Variants in CTNS observed in about 807,000 individuals in gnomAD.
The protein encoded by CTNS is cystinosin, lysosomal cystine transporter.
A neutral mutation model predicts 43.7 loss-of-function variants in CTNS; 27 were observed. That is an observed-to-expected ratio of 0.62 (90% CI 0.46 to 0.85). The LOEUF (loss-of-function observed/expected upper bound fraction) is 0.85. Among genes scored for constraint, CTNS ranks in the 40% least tolerant of loss-of-function variants. The probability of loss-of-function intolerance (pLI) is 0.00; values close to 1 mark genes in which losing one functional copy is unlikely to be tolerated. For missense variants in CTNS, 457 were observed against 475.4 expected (o/e 0.96, Z 0.36); for synonymous variants, 187 against 190.6 (o/e 0.98, Z 0.16).
Position 3,655,541 on chromosome 17 carries a change from C to T in CTNS, c.461+189C>T, listed in dbSNP as rs1258481154. The T allele has an allele frequency of 5.2e-6, 4 of 771,416 alleles. No homozygotes were observed. The African/African-American group carries it at 6.9e-5, about 13-fold the overall frequency. The allele number at this position is 771,416 out of a possible 1,614,324, so 47.8% of individuals were successfully genotyped here. On this transcript the variant is annotated intron_variant, in intron 7 of 11. Transcript: ENST00000046640. ...GATTCCCGTGCTGGGCGTTTCATCC[C>T]TTGCCCAGCTCAGCCCCTCCCTGGG...
intron 10 of CTNS, 138 bp downstream of exon 10, chr17:3,658,313 G>A (rs946358320): frequency 2.4e-5 from 29 of 1,215,676 alleles, no homozygotes; most frequent in African/African-American, 1.8e-4. Context: ...GGAGCCCAGC[G>A]GGAGCGGGGC....
chr17:3,653,768 C>T (rs927498719), intron 5 of CTNS, among the ~76,000 whole-genome samples: 4 of 151,960 alleles, frequency 2.6e-5, no homozygotes, highest in Non-Finnish European at 5.9e-5. Flanking sequence ...TCCAGCTACT[C>T]GGGAGGCTGA....
chr17:3,658,398 C>A (rs2076207204), intron 10 of CTNS, among the ~76,000 whole-genome samples: 1 of 152,170 alleles, frequency 6.6e-6, no homozygotes, highest in Admixed American at 6.5e-5. Context: ...CCCCTTGGAC[C>A]CCACGCTCCC....
chr17:3,643,728 G>A (rs926884918), intron 3 of CTNS, among the ~76,000 whole-genome samples: 4 of 152,020 alleles, frequency 2.6e-5, no homozygotes, highest in East Asian at 1.9e-4. Flanking sequence ...CACCACATCC[G>A]GCTAATTTTT....
In CTNS at chr17:3,660,683, G is replaced by A. The variant is rs566382366; in HGVS notation, c.*314G>A. The A allele has an allele frequency of 2.0e-5, 32 of 1,613,534 alleles. No individual in the cohort carries two copies. In the South Asian group the frequency reaches 2.5e-4, roughly 13 times the overall value. On this transcript the variant is annotated 3_prime_UTR_variant, in exon 12 of 12. Transcript: ENST00000046640. ...AGGACTGGGCACCAAGCTTGCAGCC[G>A]AAGGCCTTGCCCCAAACTACCAGCG...
At chr17:3,652,946 G>A (rs2076021718) in intron 5 of CTNS, among the ~76,000 whole-genome samples, 1 of 152,214 alleles carries the variant, frequency 6.6e-6, no homozygotes, top group Admixed American at 6.5e-5. Flanking sequence ...AGAACAAGAA[G>A]GCAGTGCTTC....
intron 2 of CTNS, among the ~76,000 whole-genome samples, chr17:3,639,060 C>T (rs568713529): frequency 3.9e-5 from 6 of 152,214 alleles, no homozygotes; most frequent in Admixed American, 6.5e-5. Context: ...GGGAGATGTC[C>T]GGAGATGCTG....
At chr17:3,645,152 C>T (rs1214779644) in intron 3 of CTNS, among the ~76,000 whole-genome samples, 2 of 152,198 alleles carry the variant, frequency 1.3e-5, no homozygotes, top group African/African-American at 2.4e-5. Context: ...AAGAAATCCT[C>T]AGAATGACCT....
intron 10 of CTNS, 147 bp from the exon 11 acceptor site, chr17:3,659,711 T>A: frequency 1.4e-6 from 1 of 709,990 alleles, no homozygotes. Context: ...AGGCCTGTCA[T>A]AGCCCAAAGG....
Position 3,660,300 on chromosome 17 carries a change from C to T in CTNS, c.1035C>T (p.Phe345=), listed in dbSNP as rs149007536. Residue 345 remains phenylalanine (F), a synonymous_variant, in exon 12 of 12, where the codon TTC becomes TTT. Coordinates refer to ENST00000046640, the MANE Select transcript of CTNS (RefSeq NM_004937.3). ...KFGLGVFSIV[F]DVVFFIQHFC... is the part of the protein sequence containing the mutation. ...GACTCGGGGTCTTCTCCATCGTCTTCGACGTCGTCTTCTTCATCCAGCACT... is the reference window on the plus strand; with the variant it reads ...GACTCGGGGTCTTCTCCATCGTCTTTGACGTCGTCTTCTTCATCCAGCACT... The T allele has an allele frequency of 3.0e-5, 48 of 1,614,236 alleles. No homozygotes were observed. The East Asian group carries it at 3.8e-4, about 13-fold the overall frequency.
At position 3,658,062 on chromosome 17, in the gene CTNS, T is replaced by A; in HGVS notation, c.739T>A (p.Phe247Ile). Reference sequence around the variant, plus strand: ...CGGCTTCCTGGTGCTCGCGTGGCTCTTCGCATTTGTCACCATGATCGTGGC... The same window carrying A: ...CGGCTTCCTGGTGCTCGCGTGGCTCATCGCATTTGTCACCATGATCGTGGC... ...AIGFLVLAWL[F>I]AFVTMIVAAV... Residue 247 changes from phenylalanine (F) to isoleucine (I), a missense_variant, in exon 10 of 12, where the codon TTC becomes ATC. By Grantham distance (21) the Phe-to-Ile change is conservative. Coordinates refer to ENST00000046640, the MANE Select transcript of CTNS (RefSeq NM_004937.3). The A allele has an allele frequency of 1.2e-6, 2 of 1,612,180 alleles. No individual in the cohort carries two copies. The highest frequency in any genetic ancestry group is 1.7e-6 in the Non-Finnish European group (2 of 1,179,970).
intron 7 of CTNS, 189 bp downstream of exon 7, chr17:3,655,541 C>A: frequency 2.6e-6 from 2 of 771,534 alleles, no homozygotes; most frequent in Admixed American, 2.4e-5. Flanking sequence ...CGTTTCATCC[C>A]TTGCCCAGCT....
intron 5 of CTNS, chr17:3,650,360 T>A (rs2075951604): frequency 6.5e-7 from 1 of 1,543,290 alleles, no homozygotes; most frequent in South Asian, 1.2e-5. Context: ...TGTGCACCTG[T>A]AATCCCAGCT....
intron 2 of CTNS, among the ~76,000 whole-genome samples, chr17:3,638,073 G>A (rs1649829013): frequency 6.6e-6 from 1 of 152,166 alleles, no homozygotes; most frequent in Non-Finnish European, 1.5e-5. Flanking sequence ...TGGGTGAGGA[G>A]CCTTCTTGAA....
intron 9 of CTNS, among the ~76,000 whole-genome samples, chr17:3,657,134 G>C (rs1409200202): frequency 6.6e-6 from 1 of 152,110 alleles, no homozygotes; most frequent in African/African-American, 2.4e-5. Context: ...AAGGGAGGAG[G>C]GCAGAGGAAG....
rs1019086115 is a variant in CTNS at position 3,660,440 on chromosome 17, C to T, written c.*71C>T. The T allele has an allele frequency of 2.1e-5, 34 of 1,613,470 alleles. No individual in the cohort carries two copies. Among genetic ancestry groups the T allele is most frequent in the East Asian group, 6.7e-5 (3 of 44,894 alleles). On this transcript the variant is annotated 3_prime_UTR_variant, in exon 12 of 12. Coordinates refer to ENST00000046640, the MANE Select transcript of CTNS (RefSeq NM_004937.3). ...GGGGAAGGCCTCACCCAGCGAAGGC[C>T]GGAGAAGCGGTTGGGCCCTGGCACA...
intron 5 of CTNS, among the ~76,000 whole-genome samples, chr17:3,652,712 T>A (rs2076016069): frequency 6.6e-6 from 1 of 152,192 alleles, no homozygotes; most frequent in African/African-American, 2.4e-5. Context: ...CCTGCCTAGT[T>A]CCAGAAGGGA....
At chr17:3,656,854 A>G in intron 9 of CTNS, 59 bp downstream of exon 9, 1 of 1,607,870 alleles carries the variant, frequency 6.2e-7, no homozygotes, top group East Asian at 2.2e-5. Flanking sequence ...ACCCCACCTC[A>G]CCTTTGACAG....
intron 10 of CTNS, among the ~76,000 whole-genome samples, chr17:3,658,452 G>A (rs939080988): frequency 6.6e-6 from 1 of 152,222 alleles, no homozygotes; most frequent in African/African-American, 2.4e-5. Context: ...CCACACCCCA[G>A]CCTTTCCTGA....
Sources: allele counts gnomAD v4.1 joint callset (sites outside exome capture counted in the v4.1 genomes callset), GRCh38; gene constraint gnomAD v4.1.1; transcripts MANE v1.5; gene names NCBI Gene and HGNC (gene_info 2026-07-23, HGNC 2026-07-21).